The following PLSCR4 variants were observed in gnomAD, a reference collection of about 807,000 sequenced individuals.
PLSCR4 encodes phospholipid scramblase 4, also known as Ca(2+)-dependent phospholipid scramblase 4.
PLSCR4 carries 25 observed loss-of-function variants against 36.3 expected under a neutral mutation model. The ratio of observed to expected loss-of-function variants is 0.69; its 90% CI spans 0.50 to 0.96. PLSCR4 has a LOEUF of 0.96. Among genes scored for constraint, PLSCR4 ranks in the 40% least tolerant of loss-of-function variants. The probability of loss-of-function intolerance (pLI) is 0.00; values close to 1 mark genes in which losing one functional copy is unlikely to be tolerated. For synonymous variants in PLSCR4, 122 were observed against 132.9 expected, an observed-to-expected ratio of 0.92 and a Z score of 0.56; for missense variants, 408 against 414.7, an observed-to-expected ratio of 0.98 and a Z score of 0.14.
At chr3:146,247,562 T>A (rs1164086706) in intron 1 of PLSCR4, among the ~76,000 whole-genome samples, 1 of 152,232 alleles carries the variant, frequency 6.6e-6, no homozygotes, top group Admixed American at 6.5e-5. Context: ...ATGAAAGGTA[T>A]TAAAATTTTA....
intron 1 of PLSCR4, among the ~76,000 whole-genome samples, chr3:146,225,407 CTGCCAGTCCCG>C (rs112273865): frequency 0.35 from 52,987 of 151,976 alleles, 9,298 homozygotes; most frequent in Admixed American, 0.38. Context: ...GTGGAGCTGC[CTGCCAGTCCCG>C]TGCCATGCGC....
intron 1 of PLSCR4, among the ~76,000 whole-genome samples, chr3:146,246,844 A>G (rs1230854919): frequency 1.3e-5 from 2 of 152,158 alleles, no homozygotes; most frequent in Admixed American, 6.5e-5. Flanking sequence ...AAACACAAAT[A>G]TAATTCAAGG....
chr3:146,201,139 A>G (rs1332205546), intron 4 of PLSCR4, 62 bp from the exon 5 acceptor site: 1 of 992,570 alleles, frequency 1.0e-6, no homozygotes, highest in Non-Finnish European at 1.5e-6. Context: ...ACCACTGTAA[A>G]ATAAACTGAT....
intron 3 of PLSCR4, among the ~76,000 whole-genome samples, chr3:146,210,499 T>G (rs2034559496): frequency 6.6e-6 from 1 of 152,106 alleles, no homozygotes; most frequent in African/African-American, 2.4e-5. Context: ...ATATACCAAG[T>G]CCTTCAAGAT....
intron 3 of PLSCR4, among the ~76,000 whole-genome samples, chr3:146,216,887 C>G (rs1337685927): frequency 6.6e-6 from 1 of 152,100 alleles, no homozygotes; most frequent in East Asian, 1.9e-4. Context: ...ACCAATAATG[C>G]AAAAGCCAGT....
At chr3:146,213,703 T>C (rs1204342751) in intron 3 of PLSCR4, among the ~76,000 whole-genome samples, 1 of 152,192 alleles carries the variant, frequency 6.6e-6, no homozygotes, top group Admixed American at 6.5e-5. Context: ...TCTTTACTTG[T>C]TATATAAGTC....
intron 1 of PLSCR4, among the ~76,000 whole-genome samples, chr3:146,223,929 T>C: frequency 6.8e-6 from 1 of 146,358 alleles, no homozygotes; most frequent in East Asian, 1.9e-4. Context: ...TATAAAATAA[T>C]ACAAATATAT....
chr3:146,247,780 G>A (rs1282970569), intron 1 of PLSCR4, among the ~76,000 whole-genome samples: 1 of 152,018 alleles, frequency 6.6e-6, no homozygotes, highest in Non-Finnish European at 1.5e-5. Flanking sequence ...GTGCCACCAT[G>A]CCTGGCTAAT....
chr3:146,194,550 T>A, intron 8 of PLSCR4, 95 bp from the exon 9 acceptor site: 2 of 756,284 alleles, frequency 2.6e-6, no homozygotes, highest in South Asian at 1.8e-5. Flanking sequence ...GATTCCCCCA[T>A]TCCAGTTAAA....
At chr3:146,197,599 T>C (rs1219338651) in intron 6 of PLSCR4, among the ~76,000 whole-genome samples, 3 of 152,126 alleles carry the variant, frequency 2.0e-5, no homozygotes, top group Non-Finnish European at 4.4e-5. Context: ...TTTTTAAAAG[T>C]TTTAAAATAT....
At chr3:146,212,806 G>A (rs899894557) in intron 3 of PLSCR4, among the ~76,000 whole-genome samples, 1 of 152,158 alleles carries the variant, frequency 6.6e-6, no homozygotes, top group Non-Finnish European at 1.5e-5. Context: ...TAGATGAAAT[G>A]AACGTTTTCA....
chr3:146,196,497 A>T (rs1300291489), intron 7 of PLSCR4, 135 bp downstream of exon 7: 1 of 812,810 alleles, frequency 1.2e-6, no homozygotes, highest in Admixed American at 2.6e-5. Flanking sequence ...TTTTGATGTC[A>T]ACTGGTTAAT....
chr3:146,224,273 T>C (rs1032829847), intron 1 of PLSCR4, among the ~76,000 whole-genome samples: 4 of 152,152 alleles, frequency 2.6e-5, no homozygotes, highest in African/African-American at 9.7e-5. Flanking sequence ...CATGATACAA[T>C]AATATCCTGT....
chr3:146,225,554 C>T (rs2035421363), intron 1 of PLSCR4, among the ~76,000 whole-genome samples: 3 of 152,208 alleles, frequency 2.0e-5, no homozygotes, highest in African/African-American at 7.2e-5. Context: ...GCATGGCAGG[C>T]AGCAGGTCCC....
intron 1 of PLSCR4, among the ~76,000 whole-genome samples, chr3:146,239,848 A>C (rs1361100187): frequency 6.6e-6 from 1 of 152,132 alleles, no homozygotes; most frequent in Non-Finnish European, 1.5e-5. Flanking sequence ...GCACCATTGC[A>C]CTCCAGCCTG....
chr3:146,204,649 C>A (rs1256422459), intron 4 of PLSCR4, among the ~76,000 whole-genome samples: 1 of 151,698 alleles, frequency 6.6e-6, no homozygotes, highest in Non-Finnish European at 1.5e-5. Flanking sequence ...TCATAAAATA[C>A]GTTAAATTAA....
rs1334368468 is a variant in PLSCR4, at chr3:146,192,558, A to G, written c.*1853T>C. 1 of 151,668 alleles carries G rather than the reference A, an allele frequency of 6.6e-6. No homozygotes were observed. Among genetic ancestry groups the G allele is most frequent in the African/African-American group, 2.4e-5 (1 of 41,400 alleles). The allele number at this position is 151,668 out of a possible 1,614,324, so 9.4% of individuals were successfully genotyped here. On this transcript the variant is annotated 3_prime_UTR_variant, in exon 9 of 9. Coordinates refer to ENST00000354952, the MANE Select transcript of PLSCR4 (RefSeq NM_020353.3). ...TCTAAGAGACAAATATAATTTTTTAAAAAAGAAATTAAAAATATCACGTCT... is the reference window on the plus strand; with the variant it reads ...TCTAAGAGACAAATATAATTTTTTAGAAAAGAAATTAAAAATATCACGTCT...
At chr3:146,231,283 G>C (rs1213159395) in intron 1 of PLSCR4, among the ~76,000 whole-genome samples, 6 of 152,150 alleles carry the variant, frequency 3.9e-5, no homozygotes, top group African/African-American at 4.8e-5. Context: ...GGGCAACTAG[G>C]TTGACTTCAT....
At chr3:146,227,093 A>G (rs2035510334) in intron 1 of PLSCR4, among the ~76,000 whole-genome samples, 1 of 152,240 alleles carries the variant, frequency 6.6e-6, no homozygotes, top group African/African-American at 2.4e-5. Flanking sequence ...TTTAATATTC[A>G]GTGAACTGCT....
Sources: gnomAD v4.1 joint callset for allele counts (sites outside exome capture counted in the v4.1 genomes callset) on GRCh38, gnomAD v4.1.1 for gene constraint, MANE v1.5 for transcripts, NCBI Gene and HGNC (gene_info 2026-07-23, HGNC 2026-07-21) for gene names.